Variants in KIAA1549 observed in about 807,000 individuals in gnomAD.
The protein encoded by KIAA1549 is UPF0606 protein KIAA1549.
In KIAA1549, 70 loss-of-function variants were observed where a neutral mutation model predicts 156.4. The ratio of observed to expected loss-of-function variants is 0.45; its 90% CI spans 0.37 to 0.55. The LOEUF is 0.55. Ranked by LOEUF, KIAA1549 falls within the 20% of genes least tolerant of loss-of-function variation. The pLI is 0.00. For synonymous variants in KIAA1549, 1,103 were observed against 1,066.4 expected (o/e 1.03, Z -0.67); for missense variants, 2,428 against 2,540.9 (o/e 0.96, Z 0.96).
At position 138,917,471 on chromosome 7, in the gene KIAA1549, A is replaced by G. The variant is rs750385953; in HGVS notation, c.2155T>C (p.Trp719Arg). The part of the protein sequence containing the change: ...LLPSRSEVSP[W>R]SSFPSDSLEF... ...AGAGAATCAGAAGGGAAGCTTGACC[A>G]TGGTGACACCTCAGAACGGCTAGGT... is the stretch of plus-strand genomic sequence containing the variant. The change falls in exon 2 of 20, where the codon TGG becomes CGG. Residue 719 changes from tryptophan (W) to arginine (R), a missense_variant. By Grantham distance (101) the Trp-to-Arg change is moderately radical (BLOSUM62 -3). Coordinates refer to ENST00000422774, the MANE Select transcript of KIAA1549 (RefSeq NM_001164665.2). 1.2e-6 allele frequency: 2 copies of G among 1,613,944 alleles called. No homozygotes were observed. The highest frequency in any genetic ancestry group is 1.7e-5 in the Admixed American group (1 of 60,030).
Position 138,926,441 on chromosome 7 carries a change from C to T in KIAA1549, c.188-7003G>A, listed in dbSNP as rs781453218. On this transcript the variant is annotated intron_variant, in intron 1 of 19. Transcript: ENST00000422774. ...CTGGGATTCCAGGCGCCCACCACCA[C>T]ACCAAACCACTTTTTGTATTTTTAG... Among the ~76,000 whole-genome samples the T allele has an allele frequency of 4.6e-5, 7 of 152,078 alleles. No individual in the cohort carries two copies. In the South Asian group the frequency reaches 6.2e-4, roughly 14 times the overall value.
chr7:138,913,120 T>G (rs1164234049), intron 2 of KIAA1549, among the ~76,000 whole-genome samples: 5 of 152,166 alleles, frequency 3.3e-5, no homozygotes, highest in African/African-American at 4.8e-5. Flanking sequence ...GTGACCCACC[T>G]GCCTCAGCCT....
At chr7:138,980,979 G>C (rs1037620683) in intron 1 of KIAA1549, 104 bp downstream of exon 1, 1 of 1,031,150 alleles carries the variant, frequency 9.7e-7, no homozygotes, top group Non-Finnish European at 1.2e-6. Flanking sequence ...CGAGGGAGCT[G>C]GAGAATAAAA....
intron 1 of KIAA1549, among the ~76,000 whole-genome samples, chr7:138,940,531 G>A (rs1399352729): frequency 6.6e-6 from 1 of 151,634 alleles, no homozygotes; most frequent in Non-Finnish European, 1.5e-5. Flanking sequence ...TATATACCCA[G>A]TAATGGGATG....
At chr7:138,880,003 A>T (rs1251094152) in intron 11 of KIAA1549, among the ~76,000 whole-genome samples, 4 of 152,222 alleles carry the variant, frequency 2.6e-5, no homozygotes, top group African/African-American at 9.6e-5. Context: ...CATGAGTTGG[A>T]TCAAACAGGA....
chr7:138,933,871 C>T (rs1409895985), intron 1 of KIAA1549, among the ~76,000 whole-genome samples: 1 of 152,216 alleles, frequency 6.6e-6, no homozygotes, highest in Non-Finnish European at 1.5e-5. Context: ...GAGGCTGAGG[C>T]AGGAGAATCA....
chr7:138,903,805 G>C, intron 7 of KIAA1549, 69 bp from the exon 8 acceptor site: 1 of 99,078 alleles, frequency 1.0e-5, no homozygotes, highest in East Asian at 9.5e-5. Flanking sequence ...GTGTGTGTGT[G>C]TGTGTGTGTG....
chr7:138,934,201 C>T (rs896706278), intron 1 of KIAA1549, among the ~76,000 whole-genome samples: 4 of 151,604 alleles, frequency 2.6e-5, no homozygotes, highest in Non-Finnish European at 5.9e-5. Context: ...AGCGAGGAGC[C>T]CATGGGGTTG....
chr7:138,974,605 T>C (rs946182383), intron 1 of KIAA1549, among the ~76,000 whole-genome samples: 5 of 151,808 alleles, frequency 3.3e-5, no homozygotes, highest in Non-Finnish European at 7.4e-5. Flanking sequence ...GTGTTTTTAG[T>C]AGAGACGAGG....
intron 6 of KIAA1549, 131 bp downstream of exon 6, chr7:138,906,788 C>A: frequency 1.5e-6 from 1 of 658,514 alleles, no homozygotes; most frequent in Admixed American, 3.5e-5. Flanking sequence ...CACCTGTACC[C>A]CAACGCCTTA....
intron 1 of KIAA1549, among the ~76,000 whole-genome samples, chr7:138,961,856 AAAAAAGAAAG>A (rs1813862508): frequency 6.6e-6 from 1 of 151,166 alleles, no homozygotes. Flanking sequence ...GAAAAAAAAA[AAAAAAGAAAG>A]AAAAGGAAAA....
rs576347462 is a variant in KIAA1549, at chr7:138,971,657, AC to A, written c.187+9425del. Reference sequence around the variant, plus strand: ...GTCAGCGGCTGTCACAACAAAACCCACCCCCTAGGGTTGAGAAACCGTCTTA... The same window carrying A: ...GTCAGCGGCTGTCACAACAAAACCCACCCCTAGGGTTGAGAAACCGTCTTA... On this transcript the variant is annotated intron_variant, in intron 1 of 19. Transcript: ENST00000422774. Among the ~76,000 whole-genome samples, 63 of 151,210 alleles carry A rather than the reference AC, an allele frequency of 4.2e-4. 1 individual carries two copies. Among genetic ancestry groups the A allele is most frequent in the South Asian group, 1.0e-3 (5 of 4,770 alleles).
intron 1 of KIAA1549, among the ~76,000 whole-genome samples, chr7:138,957,858 A>T (rs1813714486): frequency 6.6e-6 from 1 of 151,806 alleles, no homozygotes. Flanking sequence ...ACTGTCCCTT[A>T]TTCTCTCTTT....
At chr7:138,862,470 C>T (rs1000680349) in intron 15 of KIAA1549, among the ~76,000 whole-genome samples, 3 of 149,758 alleles carry the variant, frequency 2.0e-5, no homozygotes, top group African/African-American at 7.4e-5. Flanking sequence ...CCCCACTGCA[C>T]CCTAGCCTGG....
At chr7:138,868,372 G>C (rs951834185) in intron 14 of KIAA1549, among the ~76,000 whole-genome samples, 2 of 152,158 alleles carry the variant, frequency 1.3e-5, no homozygotes, top group Non-Finnish European at 2.9e-5. Flanking sequence ...ATGACATTCA[G>C]AAAAGAAGTC....
chr7:138,861,678 C>A (rs1474802543), intron 15 of KIAA1549, among the ~76,000 whole-genome samples: 1 of 148,498 alleles, frequency 6.7e-6, no homozygotes, highest in Non-Finnish European at 1.5e-5. Flanking sequence ...AAAGTGAGAC[C>A]CCCCCCATCT....
rs1233804289 is a variant in KIAA1549 at position 138,869,777 on chromosome 7, G to A, written c.4552-16C>T. The A allele has an allele frequency of 6.3e-7, 1 of 1,597,372 alleles. No homozygotes were observed. The highest frequency in any genetic ancestry group is 8.5e-7 in the Non-Finnish European group (1 of 1,172,204). ...CGGTCTGAATCTGAGGAAGGGTGAGGGAGAGAAAGACAGCCATAGAGGTCC... is the reference window on the plus strand; with the variant it reads ...CGGTCTGAATCTGAGGAAGGGTGAGAGAGAGAAAGACAGCCATAGAGGTCC... On this transcript the variant is annotated splice_polypyrimidine_tract_variant and intron_variant, in intron 13 of 19. Transcript: ENST00000422774.
intron 10 of KIAA1549, among the ~76,000 whole-genome samples, chr7:138,890,222 T>A (rs527356624): frequency 1.3e-5 from 2 of 152,274 alleles, no homozygotes; most frequent in East Asian, 3.9e-4. Flanking sequence ...GCCTGATGAA[T>A]GTGAACACGT....
At chr7:138,941,762 C>T (rs536727832) in intron 1 of KIAA1549, among the ~76,000 whole-genome samples, 2 of 152,282 alleles carry the variant, frequency 1.3e-5, no homozygotes, top group South Asian at 2.1e-4. Flanking sequence ...GAGCAATTAG[C>T]GCTCTGCTGA....
Sources: allele counts gnomAD v4.1 joint callset (sites outside exome capture counted in the v4.1 genomes callset), GRCh38; gene constraint gnomAD v4.1.1; transcripts MANE v1.5; gene names NCBI Gene and HGNC (gene_info 2026-07-23, HGNC 2026-07-21).